The following EXOC2 variants were observed in gnomAD, a reference collection of about 807,000 sequenced individuals.
The protein encoded by EXOC2 is exocyst complex component 2.
A neutral mutation model predicts 131.8 loss-of-function variants in EXOC2; 70 were observed. The observed-to-expected ratio is 0.53, with a 90% CI of 0.44 to 0.65. EXOC2 has a LOEUF of 0.65. EXOC2 is among the 30% of genes least tolerant of loss of function. The pLI is 0.00. For synonymous variants in EXOC2, 411 were observed against 398.4 expected, an observed-to-expected ratio of 1.03 and a Z score of -0.38; for missense variants, 923 against 1,108.6, an observed-to-expected ratio of 0.83 and a Z score of 2.38.
chr6:615,155 G>A (rs1014212420), intron 6 of EXOC2, among the ~76,000 whole-genome samples: 1 of 151,404 alleles, frequency 6.6e-6, no homozygotes, highest in Non-Finnish European at 1.5e-5. Context: ...AGAGACAGTA[G>A]AGGTTTGAAA....
intron 6 of EXOC2, among the ~76,000 whole-genome samples, chr6:612,880 G>T (rs1760785553): frequency 6.6e-6 from 1 of 152,164 alleles, no homozygotes; most frequent in African/African-American, 2.4e-5. Context: ...CTTGAAAGGG[G>T]CAAGTGATAA....
In EXOC2 at chr6:576,830, G is replaced by C. The variant is rs1250131055; in HGVS notation, c.1245C>G (p.Pro415=). 1 of 1,614,126 alleles carries C rather than the reference G, an allele frequency of 6.2e-7. No individual in the cohort carries two copies. The highest frequency in any genetic ancestry group is 8.5e-7 in the Non-Finnish European group (1 of 1,180,012). The part of the protein sequence containing the change: ...PMLDLDNDTR[P]SVLGHLSQTA... ...TCTGACTGAGATGGCCCAACACTGA[G>C]GGACGTGTATCATTATCAAGATCCA... The change falls in exon 12 of 28, where the codon CCC becomes CCG. Residue 415 remains proline, a synonymous_variant. Transcript: ENST00000230449.
intron 21 of EXOC2, among the ~76,000 whole-genome samples, chr6:550,980 G>C (rs929868545): frequency 6.6e-6 from 1 of 152,130 alleles, no homozygotes; most frequent in Admixed American, 6.5e-5. Context: ...AAAGCTATTT[G>C]AGTGATTTAA....
Position 556,059 on chromosome 6 carries a change from A to G in EXOC2, c.1933-46T>C, listed in dbSNP as rs771708882. ...GAAAATTTTTGGACTTTGCTAAGAA[A>G]AGGTTTTTGTATATGAAGTTAGATA... On this transcript the variant is annotated intron_variant, in intron 18 of 27. Coordinates refer to ENST00000230449, the MANE Select transcript of EXOC2 (RefSeq NM_018303.6). The G allele has an allele frequency of 2.5e-6, 4 of 1,572,966 alleles. No individual in the cohort carries two copies. In the African/African-American group the frequency reaches 4.1e-5, roughly 16 times the overall value.
intron 4 of EXOC2, among the ~76,000 whole-genome samples, chr6:627,868 A>C (rs1001121019): frequency 2.0e-5 from 3 of 152,246 alleles, no homozygotes; most frequent in Admixed American, 2.0e-4. Context: ...CTTAAGTAAC[A>C]ATCTGTACAG....
At chr6:583,763 C>CT (rs1324485163) in intron 11 of EXOC2, among the ~76,000 whole-genome samples, 10 of 152,220 alleles carry the variant, frequency 6.6e-5, no homozygotes, top group East Asian at 1.9e-4. Flanking sequence ...TTGAAAAACT[C>CT]TGTCATCACA....
intron 22 of EXOC2, among the ~76,000 whole-genome samples, chr6:538,999 G>A (rs1192227612): frequency 4.6e-5 from 7 of 151,792 alleles, no homozygotes; most frequent in Admixed American, 4.6e-4. Context: ...GAACCCGGGA[G>A]GCGGAGGTTG....
intron 23 of EXOC2, 35 bp downstream of exon 23, chr6:532,434 T>G: frequency 6.7e-7 from 1 of 1,493,518 alleles, no homozygotes; most frequent in Non-Finnish European, 8.9e-7. Context: ...TAAAAGTATA[T>G]CCACATCTAT....
At chr6:595,439 T>A (rs1310713519) in intron 10 of EXOC2, among the ~76,000 whole-genome samples, 1 of 152,050 alleles carries the variant, frequency 6.6e-6, no homozygotes, top group Non-Finnish European at 1.5e-5. Flanking sequence ...CAAAGCATCG[T>A]AAATAAAATA....
chr6:549,331 T>C (rs1470315888), intron 21 of EXOC2, 40 bp from the exon 22 acceptor site: 1 of 1,443,912 alleles, frequency 6.9e-7, no homozygotes, highest in East Asian at 2.3e-5. Flanking sequence ...ACCTTTATGG[T>C]GCCAGAGAGA....
intron 1 of EXOC2, among the ~76,000 whole-genome samples, chr6:677,568 A>C (rs946096081): frequency 6.6e-6 from 1 of 152,124 alleles, no homozygotes; most frequent in Non-Finnish European, 1.5e-5. Flanking sequence ...TCCTGGGTTC[A>C]AGCGATTCTC....
chr6:556,139 G>C (rs760323156), intron 18 of EXOC2, 126 bp from the exon 19 acceptor site: 4 of 865,926 alleles, frequency 4.6e-6, no homozygotes, highest in Non-Finnish European at 7.4e-6. Context: ...CCTATAAAAG[G>C]AGGCGTGCGA....
At chr6:677,966 T>A (rs1022167661) in intron 1 of EXOC2, among the ~76,000 whole-genome samples, 2 of 118,792 alleles carry the variant, frequency 1.7e-5, no homozygotes, top group African/African-American at 6.1e-5. Flanking sequence ...ACACACACAC[T>A]CTTCACGTTG....
At chr6:656,163 TGAA>T (rs776853441) in intron 1 of EXOC2, 2 of 1,614,068 alleles carry the variant, frequency 1.2e-6, no homozygotes, top group South Asian at 1.1e-5. Flanking sequence ...CAAAACAAGC[TGAA>T]GAAGAGTATT....
At chr6:646,941 A>G (rs1762604172) in intron 1 of EXOC2, among the ~76,000 whole-genome samples, 1 of 152,236 alleles carries the variant, frequency 6.6e-6, no homozygotes, top group African/African-American at 2.4e-5. Context: ...CTGCTTCAAT[A>G]AACAGACATC....
intron 1 of EXOC2, among the ~76,000 whole-genome samples, chr6:643,074 A>C (rs1371863554): frequency 6.6e-6 from 1 of 152,364 alleles, no homozygotes; most frequent in East Asian, 1.9e-4. Context: ...AAGACATAAC[A>C]ATCAAAACTG....
intron 23 of EXOC2, among the ~76,000 whole-genome samples, chr6:511,011 T>G (rs1764814233): frequency 6.6e-6 from 1 of 152,248 alleles, no homozygotes; most frequent in Non-Finnish European, 1.5e-5. Flanking sequence ...AGGTGTTTTG[T>G]TTTTGTTTTT....
intron 1 of EXOC2, among the ~76,000 whole-genome samples, chr6:690,831 T>C (rs1487288142): frequency 1.3e-5 from 2 of 152,248 alleles, no homozygotes; most frequent in Non-Finnish European, 2.9e-5. Flanking sequence ...ACTATCACCA[T>C]GTGATTTCAG....
intron 4 of EXOC2, 126 bp downstream of exon 4, chr6:629,709 A>G (rs1398193177): frequency 8.6e-7 from 1 of 1,160,794 alleles, no homozygotes; most frequent in Non-Finnish European, 1.2e-6. Flanking sequence ...CCCATCTCCA[A>G]ACAACTGAGG....
Sources: allele counts gnomAD v4.1 joint callset (sites outside exome capture counted in the v4.1 genomes callset), GRCh38; gene constraint gnomAD v4.1.1; transcripts MANE v1.5; gene names NCBI Gene and HGNC (gene_info 2026-07-23, HGNC 2026-07-21).